BCAS3: variants seen among roughly 807,000 people sequenced by gnomAD.
BCAS3 encodes BCAS3 microtubule associated cell migration factor.
BCAS3 carries 53 observed loss-of-function variants against 116.1 expected under a neutral mutation model. The ratio of observed to expected loss-of-function variants is 0.46; its 90% CI spans 0.37 to 0.57. The LOEUF is 0.57. Ranked by LOEUF, BCAS3 falls within the 20% of genes least tolerant of loss-of-function variation. BCAS3 has a pLI of 0.00. For synonymous variants in BCAS3, 391 were observed against 408.2 expected (o/e 0.96, Z 0.51); for missense variants, 917 against 1,165.4 (o/e 0.79, Z 3.10).
At chr17:60,808,634 G>A (rs781595752) in intron 7 of BCAS3, among the ~76,000 whole-genome samples, 3 of 152,138 alleles carry the variant, frequency 2.0e-5, no homozygotes, top group Non-Finnish European at 4.4e-5. Context: ...TAAATTTTTC[G>A]ATTGAAGAAG....
intron 22 of BCAS3, among the ~76,000 whole-genome samples, chr17:61,133,355 A>G (rs1358249356): frequency 6.6e-6 from 1 of 152,190 alleles, no homozygotes; most frequent in Non-Finnish European, 1.5e-5. Flanking sequence ...CCCAAATACA[A>G]AGGCAAGGTC....
intron 4 of BCAS3, among the ~76,000 whole-genome samples, chr17:60,695,606 AT>A (rs1450292562): frequency 6.6e-6 from 1 of 152,058 alleles, no homozygotes; most frequent in Non-Finnish European, 1.5e-5. Context: ...AAGATTTAAA[AT>A]TTTATTTTTA....
chr17:61,334,674 A>AAC (rs2056572852), intron 22 of BCAS3, among the ~76,000 whole-genome samples: 3 of 150,410 alleles, frequency 2.0e-5, no homozygotes, highest in African/African-American at 4.9e-5. Context: ...CAAAAAAAAA[A>AAC]AAAAAAAAAA....
At chr17:60,799,079 G>A (rs2047466230) in intron 6 of BCAS3, among the ~76,000 whole-genome samples, 1 of 151,784 alleles carries the variant, frequency 6.6e-6, no homozygotes, top group Non-Finnish European at 1.5e-5. Flanking sequence ...TGTGTTTTTT[G>A]CAAATGTTTT....
Position 61,261,339 on chromosome 17 carries a change from TCTG to T in BCAS3, c.2426-106985_2426-106983del, listed in dbSNP as rs2049185945. Among the ~76,000 whole-genome samples the T allele has an allele frequency of 6.6e-6, 1 of 152,206 alleles. No individual in the cohort carries two copies. On this transcript the variant is annotated intron_variant, in intron 22 of 23. Transcript: ENST00000407086. This position sits in a 1 kb window ranked among gnomAD's most constrained non-coding sequence, Gnocchi z 4.4. ...CGAGGGACAGTTAAGTAAAAAGAGT[TCTG>T]CTTATTCTCTGCTGCAGGATGCTAC... is the stretch of plus-strand genomic sequence containing the variant.
At chr17:61,237,161 A>G (rs1371983810) in intron 22 of BCAS3, among the ~76,000 whole-genome samples, 1 of 152,236 alleles carries the variant, frequency 6.6e-6, no homozygotes, top group Non-Finnish European at 1.5e-5. Context: ...TCTGTCTTAC[A>G]AGAGGATTGT....
Position 61,249,771 on chromosome 17 carries a change from T to C in BCAS3, c.2426-118556T>C, listed in dbSNP as rs889899970. Among the ~76,000 whole-genome samples the C allele has an allele frequency of 2.0e-5, 3 of 152,196 alleles. No individual in the cohort carries two copies. The highest frequency in any genetic ancestry group is 2.9e-5 in the Non-Finnish European group (2 of 68,036). On this transcript the variant is annotated intron_variant, in intron 22 of 23. Coordinates refer to ENST00000407086, the MANE Select transcript of BCAS3 (RefSeq NM_017679.5). This position sits in a 1 kb window ranked among gnomAD's most constrained non-coding sequence, Gnocchi z 6.2. ...TGCTCTCTGCCCATTATTTTGATAA[T>C]TACTACACCTTAATCTGTTATCTGT...
chr17:61,092,826 CA>C (rs1255390983), intron 22 of BCAS3, among the ~76,000 whole-genome samples: 1 of 150,096 alleles, frequency 6.7e-6, no homozygotes, highest in Admixed American at 6.7e-5. Flanking sequence ...TATCTTTTGA[CA>C]AGCAAAAATC....
chr17:60,854,146 G>T (rs556309437), intron 7 of BCAS3, among the ~76,000 whole-genome samples: 1 of 152,218 alleles, frequency 6.6e-6, no homozygotes, highest in African/African-American at 2.4e-5. Context: ...AGAACATGCG[G>T]TGTTTGGTTT....
At chr17:61,135,642 G>A (rs1176946125) in intron 22 of BCAS3, among the ~76,000 whole-genome samples, 1 of 152,172 alleles carries the variant, frequency 6.6e-6, no homozygotes, top group African/African-American at 2.4e-5. Flanking sequence ...TCTATATGCA[G>A]CCCACGGGCT....
At chr17:61,303,866 G>A (rs1238812233) in intron 22 of BCAS3, among the ~76,000 whole-genome samples, 1 of 152,198 alleles carries the variant, frequency 6.6e-6, no homozygotes, top group Non-Finnish European at 1.5e-5. Flanking sequence ...TCTTGTGCCT[G>A]GCACTTAGTA....
chr17:60,799,524 GTTTTTTTTTTTT>G (rs869112996), intron 6 of BCAS3, among the ~76,000 whole-genome samples: 3 of 102,382 alleles, frequency 2.9e-5, no homozygotes, highest in South Asian at 3.2e-4. Flanking sequence ...ATTAGTGTTT[GTTTTTTTTTTTT>G]TTTTTTTTTG....
intron 19 of BCAS3, among the ~76,000 whole-genome samples, chr17:61,042,370 G>C (rs2067580492): frequency 6.6e-6 from 1 of 151,852 alleles, no homozygotes; most frequent in South Asian, 2.1e-4. Context: ...AACACATAGG[G>C]GAAAAGATAT....
chr17:60,857,774 A>C (rs1195968606), intron 7 of BCAS3, among the ~76,000 whole-genome samples: 1 of 152,202 alleles, frequency 6.6e-6, no homozygotes, highest in Non-Finnish European at 1.5e-5. Flanking sequence ...GAATGTGTGA[A>C]TTTGTGAAGA....
At position 61,307,027 on chromosome 17, in the gene BCAS3, G is replaced by GC. The variant is rs1395092349; in HGVS notation, c.2426-61295dup. On this transcript the variant is annotated intron_variant, in intron 22 of 23. Transcript: ENST00000407086. This position sits in a 1 kb window ranked among gnomAD's most constrained non-coding sequence, Gnocchi z 4.7. ...TTTGGCATCAGGGCTCTGGGCCTTT[G>GC]CCCCCAGCTTCTGTGATTCTCTCAA... Among the ~76,000 whole-genome samples, 2 of 152,200 alleles carry GC rather than the reference G, an allele frequency of 1.3e-5. No individual in the cohort carries two copies. The highest frequency in any genetic ancestry group is 4.8e-5 in the African/African-American group (2 of 41,464).
chr17:60,988,500 A>C (rs528442920), intron 14 of BCAS3, among the ~76,000 whole-genome samples: 1 of 152,016 alleles, frequency 6.6e-6, no homozygotes, highest in South Asian at 2.1e-4. Flanking sequence ...TAAAACATCT[A>C]AAATTAAGCA....
rs73991317 is a variant in BCAS3, at chr17:60,872,944, C to T, written c.585-1718C>T. Among the ~76,000 whole-genome samples, 343 of 152,024 alleles carry T rather than the reference C, an allele frequency of 2.3e-3. 2 individuals carry two copies. Among genetic ancestry groups the T allele is most frequent in the Middle Eastern group, 0.01 (3 of 294 alleles). ...TCATTATTTGATATTTTCTGTCAAACGCTGTGTGTAGAGGAATAGTACAGA... is the reference window on the plus strand; with the variant it reads ...TCATTATTTGATATTTTCTGTCAAATGCTGTGTGTAGAGGAATAGTACAGA... On this transcript the variant is annotated intron_variant, in intron 8 of 23. Coordinates refer to ENST00000407086, the MANE Select transcript of BCAS3 (RefSeq NM_017679.5).
chr17:61,380,441 C>G lies in BCAS3; in HGVS notation c.2594-11536C>G. 3.4e-6 allele frequency: 5 copies of G among 1,479,584 alleles called. No individual in the cohort carries two copies. Among genetic ancestry groups the G allele is most frequent in the Non-Finnish European group, 4.6e-6 (5 of 1,081,740 alleles). The allele number at this position is 1,479,584 out of a possible 1,614,324, so 91.7% of individuals were successfully genotyped here. ...GTATCGACTCACTTTGATCTCAGCTCTTCCTGCTCTCTTAAAGGTCCAGTT... is the reference window on the plus strand; with the variant it reads ...GTATCGACTCACTTTGATCTCAGCTGTTCCTGCTCTCTTAAAGGTCCAGTT... On this transcript the variant is annotated intron_variant, in intron 23 of 23. Transcript: ENST00000407086. The surrounding 1 kb of genome is among the most constrained non-coding windows in gnomAD (Gnocchi z 4.2).
At chr17:60,891,123 G>A (rs1439088376) in intron 10 of BCAS3, among the ~76,000 whole-genome samples, 2 of 151,960 alleles carry the variant, frequency 1.3e-5, no homozygotes, top group Admixed American at 6.6e-5. Context: ...ACAAAACAAG[G>A]CATACAAGTA....
Sources: allele counts gnomAD v4.1 joint callset (sites outside exome capture counted in the v4.1 genomes callset), GRCh38; gene constraint gnomAD v4.1.1; non-coding constraint Gnocchi (gnomAD v3.1); transcripts MANE v1.5; gene names NCBI Gene and HGNC (gene_info 2026-07-23, HGNC 2026-07-21).